The following SEC31A variants were observed in gnomAD, a reference collection of about 807,000 sequenced individuals.
The protein encoded by SEC31A is protein transport protein Sec31A.
Under a neutral mutation model 151.0 loss-of-function variants are expected in SEC31A, and 70 were observed. The ratio of observed to expected loss-of-function variants is 0.46; its 90% CI spans 0.38 to 0.57. The LOEUF is 0.57. Among genes scored for constraint, SEC31A ranks in the 20% least tolerant of loss-of-function variants. The probability of loss-of-function intolerance (pLI) is 0.00; values close to 1 mark genes in which losing one functional copy is unlikely to be tolerated. For synonymous variants in SEC31A, 475 were observed against 505.9 expected, an observed-to-expected ratio of 0.94 and a Z score of 0.82; for missense variants, 1,330 against 1,471.2, an observed-to-expected ratio of 0.90 and a Z score of 1.57.
At chr4:82,867,034 A>C (rs1479230633) in intron 9 of SEC31A, 74 bp from the exon 10 acceptor site, 2 of 1,565,792 alleles carry the variant, frequency 1.3e-6, no homozygotes, top group East Asian at 4.5e-5. Context: ...TATCCAAAAA[A>C]ATTTTTGATC....
chr4:82,827,835 G>A (rs1724953530), intron 23 of SEC31A, among the ~76,000 whole-genome samples: 2 of 151,698 alleles, frequency 1.3e-5, no homozygotes, highest in Admixed American at 1.3e-4. Context: ...TGGCTAAGAG[G>A]GATAGGGAGC....
chr4:82,845,158 GGTGAGC>G, intron 20 of SEC31A: 1 of 1,265,628 alleles, frequency 7.9e-7, no homozygotes, highest in Non-Finnish European at 1.1e-6. Context: ...TGTATATTTA[GGTGAGC>G]AGAATTCTGC....
At chr4:82,887,013 A>G (rs1347256097) in intron 1 of SEC31A, among the ~76,000 whole-genome samples, 1 of 152,220 alleles carries the variant, frequency 6.6e-6, no homozygotes. Context: ...GGGGAAAACA[A>G]GTAGACTAAT....
At position 82,878,842 on chromosome 4, in the gene SEC31A, T is replaced by G. The variant is rs966952994; in HGVS notation, c.290A>C (p.Asn97Thr). ...TTTAGAAGGATCATAGAGAATAATA[T>G]TTCCATTTTCACCACCTGCAATCAG... ...GVLIAGGENG[N>T]IILYDPSKII... Residue 97 changes from asparagine to threonine, a missense_variant, in exon 4 of 27, where the codon AAT becomes ACT. Coordinates refer to ENST00000395310, the MANE Select transcript of SEC31A (RefSeq NM_001077207.4). The G allele has an allele frequency of 5.0e-6, 8 of 1,613,914 alleles. No individual in the cohort carries two copies. Among genetic ancestry groups the G allele is most frequent in the Non-Finnish European group, 6.8e-6 (8 of 1,179,828 alleles).
At chr4:82,837,674 T>C (rs1136882) in intron 22 of SEC31A, among the ~76,000 whole-genome samples, 31,594 of 152,178 alleles carry the variant, frequency 0.21, 3,382 homozygotes, top group South Asian at 0.34. Flanking sequence ...AAATATAGCA[T>C]GTCACTGAAT....
At chr4:82,843,015 T>C (rs1729261939) in intron 21 of SEC31A, among the ~76,000 whole-genome samples, 2 of 152,192 alleles carry the variant, frequency 1.3e-5, no homozygotes, top group South Asian at 4.1e-4. Flanking sequence ...CGGCTAACTC[T>C]ATGATCCCTA....
At chr4:82,823,419 G>T (rs1211886642) in intron 25 of SEC31A, among the ~76,000 whole-genome samples, 2 of 152,162 alleles carry the variant, frequency 1.3e-5, no homozygotes, top group Non-Finnish European at 2.9e-5. Flanking sequence ...AGAATGTCAG[G>T]CACTAAGGTT....
chr4:82,872,333 G>T (rs1200184962), intron 6 of SEC31A, among the ~76,000 whole-genome samples: 1 of 152,022 alleles, frequency 6.6e-6, no homozygotes, highest in Non-Finnish European at 1.5e-5. Flanking sequence ...GGGATTACAG[G>T]CGCAAGCCAC....
Position 82,842,164 on chromosome 4 carries a change from C to T in SEC31A, c.2944G>A (p.Glu982Lys). Reference sequence around the variant, plus strand: ...CCTGTTCTTTGGGACGCAGGCAGCTCACTGGCAGCAGGCAGTGTACCTGTT... The same window carrying T: ...CCTGTTCTTTGGGACGCAGGCAGCTTACTGGCAGCAGGCAGTGTACCTGTT... ...GTTGTLPAAS[E>K]LPASQRTGPQ... The change falls in exon 22 of 27, where the codon GAG (glutamate) becomes AAG (lysine). Residue 982 changes from glutamate to lysine, a missense_variant. Glu to Lys is a moderately conservative substitution (Grantham distance 56). Transcript: ENST00000395310. 1 of 1,570,194 alleles carries T rather than the reference C, an allele frequency of 6.4e-7. No homozygotes were observed. The highest frequency in any genetic ancestry group is 1.2e-5 in the South Asian group (1 of 83,736).
intron 22 of SEC31A, among the ~76,000 whole-genome samples, chr4:82,836,385 A>AAAAG (rs1440017530): frequency 8.6e-5 from 13 of 151,524 alleles, no homozygotes; most frequent in Admixed American, 7.9e-4. Context: ...AAAAAAAAAA[A>AAAAG]AAAAAAAGAA....
chr4:82,884,455 A>G (rs975708137), intron 1 of SEC31A, among the ~76,000 whole-genome samples: 2 of 152,224 alleles, frequency 1.3e-5, no homozygotes, highest in African/African-American at 2.4e-5. Context: ...GCCACAAAGT[A>G]CAAAAAATTG....
At chr4:82,820,553 G>T (rs1410513852) in intron 26 of SEC31A, among the ~76,000 whole-genome samples, 4 of 152,140 alleles carry the variant, frequency 2.6e-5, no homozygotes, top group Non-Finnish European at 4.4e-5. Context: ...CTTACTCCTG[G>T]CTATCTTCAT....
chr4:82,897,891 C>T (rs1339655466), intron 3 of SEC31A: 1 of 152,126 alleles, frequency 6.6e-6, no homozygotes, highest in Non-Finnish European at 1.5e-5. Context: ...TTCATTAAAG[C>T]CTTAATAAAT....
chr4:82,845,483 A>G (rs559251469), intron 20 of SEC31A, among the ~76,000 whole-genome samples: 1 of 152,280 alleles, frequency 6.6e-6, no homozygotes, highest in Admixed American at 6.5e-5. Flanking sequence ...AAACAACAAC[A>G]ACAAAAACCA....
In SEC31A at chr4:82,874,750, G is replaced by A. The variant is rs370103056; in HGVS notation, c.500C>T (p.Pro167Leu). ...TGCAATGCAGCTGATATCTTCTGGC[G>A]GCTACAAGGAAGAAACAGTTAATAA... Reference protein sequence around the residue: ...TPMTPGAKTQPPEDISCIAWN... With the variant: ...TPMTPGAKTQLPEDISCIAWN... Residue 167 changes from proline (P) to leucine (L), a missense_variant and splice_region_variant, in exon 6 of 27, where the codon CCG becomes CTG. Physicochemically the swap from Pro to Leu is moderately conservative, Grantham distance 98 (BLOSUM62 -3). Transcript: ENST00000395310. 9.4e-6 allele frequency: 15 copies of A among 1,600,906 alleles called. No individual in the cohort carries two copies. The highest frequency in any genetic ancestry group is 1.3e-5 in the African/African-American group (1 of 74,208).
At chr4:82,860,046 C>G (rs1486572464) in intron 14 of SEC31A, among the ~76,000 whole-genome samples, 1 of 152,198 alleles carries the variant, frequency 6.6e-6, no homozygotes, top group Non-Finnish European at 1.5e-5. Flanking sequence ...CCCGCCTCGG[C>G]CTCCCAAAGT....
intron 22 of SEC31A, among the ~76,000 whole-genome samples, chr4:82,839,689 G>A (rs141099975): frequency 6.4e-4 from 98 of 152,328 alleles, no homozygotes; most frequent in African/African-American, 2.1e-3. Context: ...ACTACTATAA[G>A]ATACAGTTGT....
intron 1 of SEC31A, among the ~76,000 whole-genome samples, chr4:82,883,531 A>G (rs1739861135): frequency 6.6e-6 from 1 of 152,172 alleles, no homozygotes. Context: ...AGATCATACC[A>G]ACACTAAAAA....
chr4:82,879,745 A>T (rs750189465), intron 3 of SEC31A, among the ~76,000 whole-genome samples: 3 of 152,214 alleles, frequency 2.0e-5, no homozygotes, highest in Non-Finnish European at 4.4e-5. Context: ...ATATTGAGGC[A>T]ATAAAGCTTA....
Sources: gnomAD v4.1 joint callset for allele counts (sites outside exome capture counted in the v4.1 genomes callset) on GRCh38, gnomAD v4.1.1 for gene constraint, MANE v1.5 for transcripts, NCBI Gene and HGNC (gene_info 2026-07-23, HGNC 2026-07-21) for gene names.